Variants in CCNY observed in about 807,000 individuals in gnomAD.
The protein encoded by CCNY is cyclin-Y.
In CCNY, 19 loss-of-function variants were observed where a neutral mutation model predicts 42.8. The observed-to-expected ratio is 0.44, with a 90% CI of 0.31 to 0.65. CCNY has a LOEUF of 0.65. Ranked by LOEUF, CCNY falls within the 30% of genes least tolerant of loss-of-function variation. The pLI is 0.07. For synonymous variants in CCNY, 165 were observed against 162.7 expected (o/e 1.01, Z -0.11); for missense variants, 370 against 437.3 (o/e 0.85, Z 1.37).
At chr10:35,522,377 T>TA (rs1278722350) in intron 4 of CCNY, among the ~76,000 whole-genome samples, 13 of 152,184 alleles carry the variant, frequency 8.5e-5, no homozygotes, top group Admixed American at 5.2e-4. Flanking sequence ...TGTTACAAAT[T>TA]AGACATGCTC....
At chr10:35,384,855 G>T (rs1396307415) in intron 1 of CCNY, among the ~76,000 whole-genome samples, 1 of 152,166 alleles carries the variant, frequency 6.6e-6, no homozygotes, top group Non-Finnish European at 1.5e-5. Context: ...TGAGAATTCT[G>T]TTGGCTCCTC....
At chr10:35,422,725 A>C (rs771278919) in intron 1 of CCNY, among the ~76,000 whole-genome samples, 1 of 152,170 alleles carries the variant, frequency 6.6e-6, no homozygotes, top group East Asian at 1.9e-4. Flanking sequence ...TTTTTTTGTC[A>C]TTTAAGAGTT....
intron 1 of CCNY, among the ~76,000 whole-genome samples, chr10:35,453,955 C>G (rs971597701): frequency 2.0e-5 from 3 of 152,120 alleles, no homozygotes; most frequent in African/African-American, 7.2e-5. Context: ...CTGTTTCATT[C>G]CATTTTTTAA....
Position 35,396,038 on chromosome 10 carries a change from C to T in CCNY, c.154+58831C>T, listed in dbSNP as rs113676153. On this transcript the variant is annotated intron_variant, in intron 1 of 9. Coordinates refer to ENST00000374704, the MANE Select transcript of CCNY (RefSeq NM_145012.6). ...TGCTGTGGTGGCTCCCTCTTTTTGC[C>T]TCTGTGAATGGTGGGCTCCAGAGGG... is the stretch of plus-strand genomic sequence containing the variant. 3.4e-3 allele frequency among the ~76,000 whole-genome samples: 513 copies of T among 152,108 alleles called. 4 individuals are homozygous for T. Among genetic ancestry groups the T allele is most frequent in the African/African-American group, 0.012 (483 of 41,508 alleles).
chr10:35,329,510 A>C (rs1349979873), intron 3 of CCNY, among the ~76,000 whole-genome samples: 1 of 152,258 alleles, frequency 6.6e-6, no homozygotes. Context: ...CACCTAATAC[A>C]ATATATTTTG....
intron 3 of CCNY, among the ~76,000 whole-genome samples, chr10:35,270,831 G>T (rs12255494): frequency 0.16 from 24,625 of 149,740 alleles, 4,620 homozygotes; most frequent in African/African-American, 0.46. Flanking sequence ...GTTCATGCCA[G>T]TCTCCTGCCT....
chr10:35,369,283 T>A lies in CCNY; in HGVS notation c.154+32076T>A, dbSNP rs147986769. 7.5e-3 allele frequency among the ~76,000 whole-genome samples: 1,137 copies of A among 152,322 alleles called. 13 individuals carry two copies. Among genetic ancestry groups the A allele is most frequent in the African/African-American group, 0.026 (1,071 of 41,574 alleles). ...ATGGTGAGGCTTGAGGTCCCACTTG[T>A]GACCTTGGACCGTATTTCCTCCTGC... On this transcript the variant is annotated intron_variant, in intron 1 of 9. Coordinates refer to ENST00000374704, the MANE Select transcript of CCNY (RefSeq NM_145012.6).
intron 3 of CCNY, among the ~76,000 whole-genome samples, chr10:35,311,964 C>A (rs570661144): frequency 5.6e-4 from 86 of 152,234 alleles, no homozygotes; most frequent in African/African-American, 2.0e-3. Context: ...CCAGCCTGGG[C>A]AACAGAGCAA....
intron 5 of CCNY, among the ~76,000 whole-genome samples, chr10:35,527,951 G>C (rs1047418863): frequency 1.3e-5 from 2 of 152,176 alleles, no homozygotes; most frequent in African/African-American, 2.4e-5. Flanking sequence ...GGATTCTCCA[G>C]AATCCCCTTT....
At chr10:35,309,799 T>C (rs1188182868) in intron 3 of CCNY, among the ~76,000 whole-genome samples, 1 of 151,934 alleles carries the variant, frequency 6.6e-6, no homozygotes, top group African/African-American at 2.4e-5. Flanking sequence ...TGTTATTTAC[T>C]TATTTATTTA....
At chr10:35,252,391 C>T (rs1455352906) in intron 3 of CCNY, among the ~76,000 whole-genome samples, 2 of 151,802 alleles carry the variant, frequency 1.3e-5, no homozygotes, top group African/African-American at 4.8e-5. Flanking sequence ...TGGTGAAACC[C>T]CGTCTCTACT....
chr10:35,258,935 A>AG (rs1486515349), intron 3 of CCNY, among the ~76,000 whole-genome samples: 1 of 146,728 alleles, frequency 6.8e-6, no homozygotes, highest in Non-Finnish European at 1.5e-5. Context: ...GACTGTCTTA[A>AG]AAAAAAAAAA....
intron 1 of CCNY, among the ~76,000 whole-genome samples, chr10:35,379,472 T>G (rs1302777579): frequency 2.0e-5 from 3 of 152,202 alleles, no homozygotes; most frequent in Non-Finnish European, 4.4e-5. Context: ...ACATCTTTTC[T>G]CAAGGGATCT....
intron 1 of CCNY, among the ~76,000 whole-genome samples, chr10:35,472,513 C>T (rs538852876): frequency 6.6e-6 from 1 of 152,266 alleles, no homozygotes; most frequent in African/African-American, 2.4e-5. Context: ...AGGGCTGGGA[C>T]TTGATCTCTT....
chr10:35,342,680 C>T (rs1347056716), intron 1 of CCNY, among the ~76,000 whole-genome samples: 1 of 152,204 alleles, frequency 6.6e-6, no homozygotes, highest in South Asian at 2.1e-4. Context: ...AACAACCGTG[C>T]TAATTACTTG....
intron 1 of CCNY, among the ~76,000 whole-genome samples, chr10:35,350,400 C>CT (rs1005957137): frequency 1.3e-5 from 2 of 151,310 alleles, no homozygotes; most frequent in South Asian, 2.1e-4. Flanking sequence ...TCACAGTGGA[C>CT]TTTTTTTTTG....
chr10:35,354,455 G>T (rs1032480580), intron 1 of CCNY, among the ~76,000 whole-genome samples: 2 of 152,180 alleles, frequency 1.3e-5, no homozygotes, highest in Admixed American at 1.3e-4. Flanking sequence ...AAAGTGCTGG[G>T]ATTACAGGCA....
chr10:35,387,215 T>G (rs531181694), intron 1 of CCNY, among the ~76,000 whole-genome samples: 22 of 152,174 alleles, frequency 1.4e-4, no homozygotes, highest in Non-Finnish European at 2.4e-4. Flanking sequence ...CCAAAACTTA[T>G]GATTGATTGC....
chr10:35,536,140 C>CAG (rs1840881816), intron 7 of CCNY, among the ~76,000 whole-genome samples: 1 of 152,158 alleles, frequency 6.6e-6, no homozygotes, highest in Non-Finnish European at 1.5e-5. Flanking sequence ...AACATGGCAG[C>CAG]AGTTTCCCCC....
Sources: gnomAD v4.1 joint callset for allele counts (sites outside exome capture counted in the v4.1 genomes callset) on GRCh38, gnomAD v4.1.1 for gene constraint, MANE v1.5 for transcripts, NCBI Gene and HGNC (gene_info 2026-07-23, HGNC 2026-07-21) for gene names.